Variants in RSPO2 observed in about 807,000 individuals in gnomAD.
RSPO2 encodes the protein R-spondin 2.
A neutral mutation model predicts 30.9 loss-of-function variants in RSPO2; 14 were observed. That is an observed-to-expected ratio of 0.45 (90% CI 0.30 to 0.71). The LOEUF is 0.71. Among genes scored for constraint, RSPO2 ranks in the 30% least tolerant of loss-of-function variants. The probability of loss-of-function intolerance (pLI) is 0.08; values close to 1 mark genes in which losing one functional copy is unlikely to be tolerated. For missense variants in RSPO2, 264 were observed against 301.9 expected (o/e 0.87, Z 0.93); for synonymous variants, 107 against 96.4 (o/e 1.11, Z -0.64).
intron 2 of RSPO2, chr8:107,997,111 A>C (rs1386371533): frequency 8.9e-6 from 2 of 225,044 alleles, no homozygotes; most frequent in East Asian, 1.4e-4. Flanking sequence ...CCTCAAACAG[A>C]CTTTTCCATT....
At chr8:107,937,157 T>TG (rs901854540) in intron 5 of RSPO2, among the ~76,000 whole-genome samples, 9 of 151,306 alleles carry the variant, frequency 5.9e-5, no homozygotes, top group Non-Finnish European at 1.2e-4. Flanking sequence ...TTCAGTTGTT[T>TG]TTTTTTTTTT....
chr8:108,002,358 GTACT>G (rs1050305223), intron 2 of RSPO2, among the ~76,000 whole-genome samples: 1 of 152,152 alleles, frequency 6.6e-6, no homozygotes, highest in Non-Finnish European at 1.5e-5. Flanking sequence ...GTTCCATAAA[GTACT>G]TAAATACTTC....
intron 5 of RSPO2, among the ~76,000 whole-genome samples, chr8:107,943,210 C>T (rs1184612475): frequency 1.3e-5 from 2 of 152,122 alleles, no homozygotes; most frequent in Non-Finnish European, 2.9e-5. Flanking sequence ...TGCACACATG[C>T]GTGCGTGCGC....
Position 108,082,602 on chromosome 8 carries a change from G to A in RSPO2, c.37C>T (p.Leu13=), listed in dbSNP as rs1470843468. The A allele has an allele frequency of 2.5e-6, 4 of 1,614,054 alleles. No individual in the cohort carries two copies. In the African/African-American group the frequency reaches 5.3e-5, roughly 22 times the overall value. The change falls in exon 2 of 6, where the codon CTG becomes TTG. Residue 13 remains leucine, a synonymous_variant. Transcript: ENST00000276659. ...FRLFSFALII[L]NCMDYSHCQG... ...CAGTGGCTGTAATCCATGCAGTTCAGAATGATGAGGGCAAAGGAGAAAAGG... is the reference window on the plus strand; with the variant it reads ...CAGTGGCTGTAATCCATGCAGTTCAAAATGATGAGGGCAAAGGAGAAAAGG...
At chr8:108,063,517 C>A (rs1246554822) in intron 2 of RSPO2, among the ~76,000 whole-genome samples, 1 of 151,690 alleles carries the variant, frequency 6.6e-6, no homozygotes, top group Admixed American at 6.6e-5. Context: ...AACCACTGCT[C>A]AATGAAATAA....
intron 5 of RSPO2, among the ~76,000 whole-genome samples, chr8:107,916,897 AC>A (rs1298130945): frequency 6.6e-6 from 1 of 152,216 alleles, no homozygotes; most frequent in Non-Finnish European, 1.5e-5. Context: ...TGAAAATGTT[AC>A]CTTATGGTCA....
At chr8:108,039,262 C>T (rs973802907) in intron 2 of RSPO2, among the ~76,000 whole-genome samples, 23 of 152,126 alleles carry the variant, frequency 1.5e-4, no homozygotes, top group Admixed American at 3.3e-4. Context: ...ATACCTCCCC[C>T]TTTTACTTGC....
intron 2 of RSPO2, among the ~76,000 whole-genome samples, chr8:108,036,169 C>T (rs1047357023): frequency 6.6e-6 from 1 of 152,008 alleles, no homozygotes; most frequent in Admixed American, 6.6e-5. Context: ...AACCCAAAAC[C>T]TAAAAAACAC....
intron 2 of RSPO2, among the ~76,000 whole-genome samples, chr8:108,010,046 C>A (rs1469099155): frequency 1.3e-5 from 2 of 149,016 alleles, no homozygotes; most frequent in Non-Finnish European, 3.0e-5. Context: ...AAGGCCCTGT[C>A]TCAGAAAATA....
intron 2 of RSPO2, among the ~76,000 whole-genome samples, chr8:108,074,723 C>G (rs933459329): frequency 6.6e-6 from 1 of 152,094 alleles, no homozygotes; most frequent in Admixed American, 6.6e-5. Flanking sequence ...TGAAACATAC[C>G]GTGTACAGGA....
chr8:108,018,394 C>G (rs1810959032), intron 2 of RSPO2, among the ~76,000 whole-genome samples: 3 of 152,202 alleles, frequency 2.0e-5, no homozygotes, highest in Non-Finnish European at 4.4e-5. Flanking sequence ...CCAAACCTTC[C>G]TTAGGTCAAC....
intron 3 of RSPO2, among the ~76,000 whole-genome samples, chr8:107,966,735 C>T (rs995146066): frequency 2.0e-5 from 3 of 152,180 alleles, no homozygotes; most frequent in Non-Finnish European, 4.4e-5. Context: ...CAAGAATCAT[C>T]TCTTAATTGA....
At position 108,058,823 on chromosome 8, in the gene RSPO2, G is replaced by A. The variant is rs77397203; in HGVS notation, c.94+23722C>T. Among the ~76,000 whole-genome samples, 292 of 151,446 alleles carry A rather than the reference G, an allele frequency of 1.9e-3. 5 individuals carry two copies. Among genetic ancestry groups the A allele is most frequent in the Non-Finnish European group, 8.1e-4 (55 of 67,970 alleles). On this transcript the variant is annotated intron_variant, in intron 2 of 5. Coordinates refer to ENST00000276659, the MANE Select transcript of RSPO2 (RefSeq NM_178565.5). ...TAGAAAGCTGAAACCGGATCCCTTC[G>A]TTACACCTTATATAAAAATTAATTC...
At chr8:107,954,662 G>A (rs1813362358) in intron 5 of RSPO2, among the ~76,000 whole-genome samples, 1 of 151,666 alleles carries the variant, frequency 6.6e-6, no homozygotes, top group Admixed American at 6.6e-5. Context: ...CCAGGCTGGA[G>A]TGCAGTGGCA....
chr8:108,054,419 T>C (rs937062625), intron 2 of RSPO2, among the ~76,000 whole-genome samples: 1 of 151,590 alleles, frequency 6.6e-6, no homozygotes, highest in Non-Finnish European at 1.5e-5. Context: ...ACACAAAGAG[T>C]GAGAGACTCT....
intron 2 of RSPO2, among the ~76,000 whole-genome samples, chr8:108,022,886 T>C (rs1349979968): frequency 6.7e-6 from 1 of 150,344 alleles, no homozygotes; most frequent in East Asian, 2.0e-4. Flanking sequence ...GATTGCACCA[T>C]TGCACTCCAG....
chr8:107,966,246 T>A (rs1813800571), intron 3 of RSPO2, among the ~76,000 whole-genome samples: 1 of 152,132 alleles, frequency 6.6e-6, no homozygotes, highest in Non-Finnish European at 1.5e-5. Flanking sequence ...CCCTGTAGAT[T>A]CTGGCCATGA....
intron 5 of RSPO2, among the ~76,000 whole-genome samples, chr8:107,902,142 CAG>C (rs1233922147): frequency 2.6e-5 from 4 of 152,112 alleles, no homozygotes; most frequent in African/African-American, 7.2e-5. Flanking sequence ...ACACAGAAAT[CAG>C]AGGATTTTTA....
intron 3 of RSPO2, among the ~76,000 whole-genome samples, chr8:107,968,316 G>A (rs979074325): frequency 1.8e-4 from 28 of 151,998 alleles, no homozygotes; most frequent in African/African-American, 6.5e-4. Flanking sequence ...TGGAACTGGG[G>A]GACATTATGT....
Sources: gnomAD v4.1 joint callset for allele counts (sites outside exome capture counted in the v4.1 genomes callset) on GRCh38, gnomAD v4.1.1 for gene constraint, MANE v1.5 for transcripts, NCBI Gene and HGNC (gene_info 2026-07-23, HGNC 2026-07-21) for gene names.